The following NT5C3A variants were observed in gnomAD, a reference collection of about 807,000 sequenced individuals.
The protein encoded by NT5C3A is cytosolic 5'-nucleotidase 3A.
In NT5C3A, 23 loss-of-function variants were observed where a neutral mutation model predicts 40.0. That is an observed-to-expected ratio of 0.58 (90% CI 0.41 to 0.81). The LOEUF (loss-of-function observed/expected upper bound fraction) is 0.81. Ranked by LOEUF, NT5C3A falls within the 40% of genes least tolerant of loss-of-function variation. NT5C3A has a pLI of 0.00. For missense variants in NT5C3A, 328 were observed against 403.0 expected (o/e 0.81, Z 1.59); for synonymous variants, 130 against 141.4 (o/e 0.92, Z 0.57).
In NT5C3A at chr7:33,029,713, C is replaced by T. The variant is rs975945900; in HGVS notation, c.139-2798G>A. The T allele has an allele frequency of 3.9e-6, 5 of 1,285,210 alleles. No homozygotes were observed. In the African/African-American group the frequency reaches 4.6e-5, roughly 12 times the overall value. The allele number at this position is 1,285,210 out of a possible 1,614,324, so 79.6% of individuals were successfully genotyped here. On this transcript the variant is annotated intron_variant, in intron 1 of 8. Transcript: ENST00000610140. ...CTTCGAAGAAGGCTGGTTTCTGCTACACTAACAAATGTAAGATTGGTTTAT... is the reference window on the plus strand; with the variant it reads ...CTTCGAAGAAGGCTGGTTTCTGCTATACTAACAAATGTAAGATTGGTTTAT...
chr7:33,022,105 G>A lies in NT5C3A; in HGVS notation c.308-6C>T. 6.9e-7 allele frequency: 1 copy of A among 1,443,850 alleles called. No individual in the cohort carries two copies. Among genetic ancestry groups the A allele is most frequent in the Non-Finnish European group, 9.7e-7 (1 of 1,027,120 alleles). 89.4% of individuals were successfully genotyped at this position (1,443,850 alleles called of 1,614,324 possible). The stretch of plus-strand genomic sequence containing the variant: ...CTTACAGTTGTCAATGATATCTAAA[G>A]ATAGAAAGCAAAATAAGCATTAAAA... On this transcript the variant is annotated splice_region_variant and splice_polypyrimidine_tract_variant and intron_variant, in intron 3 of 8. Coordinates refer to ENST00000610140, the MANE Select transcript of NT5C3A (RefSeq NM_001002010.5).
At chr7:33,062,524 C>G in intron 1 of NT5C3A, 44 bp downstream of exon 1, 1 of 1,564,604 alleles carries the variant, frequency 6.4e-7, no homozygotes, top group Non-Finnish European at 8.8e-7. Flanking sequence ...GACGGCCCAG[C>G]CGGCCCCTCG....
intron 1 of NT5C3A, among the ~76,000 whole-genome samples, chr7:33,033,819 T>C (rs1786420678): frequency 6.6e-6 from 1 of 151,362 alleles, no homozygotes; most frequent in Non-Finnish European, 1.5e-5. Context: ...CAGAGAGATC[T>C]GAATCCTGTT....
chr7:33,021,776 C>T lies in NT5C3A; in HGVS notation c.354+277G>A, dbSNP rs1785641434. ...ACTGAAGTACTTTTGTTTTAAATCT[C>T]CAGTTAACGTTACAACACCAGAATA... On this transcript the variant is annotated intron_variant, in intron 4 of 8. Coordinates refer to ENST00000610140, the MANE Select transcript of NT5C3A (RefSeq NM_001002010.5). 1.5e-5 allele frequency: 7 copies of T among 455,966 alleles called. No homozygotes were observed. The South Asian group carries it at 1.8e-4, about 12-fold the overall frequency. 28.2% of individuals were successfully genotyped at this position (455,966 alleles called of 1,614,324 possible).
intron 1 of NT5C3A, among the ~76,000 whole-genome samples, chr7:33,050,921 C>G (rs192293073): frequency 5.1e-4 from 77 of 152,202 alleles, no homozygotes; most frequent in African/African-American, 1.8e-3. Flanking sequence ...AGTCTGCCAC[C>G]TGCTGATGGA....
At chr7:33,017,182 C>CAA (rs11286607) in intron 7 of NT5C3A, 265 of 317,910 alleles carry the variant, frequency 8.3e-4, no homozygotes, top group Middle Eastern at 1.8e-3. Context: ...GACTCCATCT[C>CAA]AAAAAAAAAA....
intron 5 of NT5C3A, among the ~76,000 whole-genome samples, chr7:33,020,605 C>T (rs373265028): frequency 5.3e-5 from 8 of 152,158 alleles, no homozygotes; most frequent in East Asian, 3.9e-4. Flanking sequence ...TGTTACGTAA[C>T]GGGACAATAA....
Position 33,014,791 on chromosome 7 carries a change from A to G in NT5C3A, c.935T>C (p.Ile312Thr). The change falls in exon 9 of 9, where the codon ATT (isoleucine) becomes ACT (threonine). Residue 312 changes from isoleucine to threonine, a missense_variant. By Grantham distance (89) the Ile-to-Thr change is moderately conservative (BLOSUM62 -1). This residue lies in a region of NT5C3A where 36 missense variants were observed against 51.1 expected (regional missense o/e 0.70). Transcript: ENST00000610140. ...LLEKYMDSYD[I>T]VLVQDESLEV... ...TAATGATTCATCTTGTACTAAAACA[A>G]TATCATAAGAGTCCATGTACTTTTC... is the stretch of plus-strand genomic sequence containing the variant. The G allele has an allele frequency of 1.2e-6, 2 of 1,613,180 alleles. No homozygotes were observed. The highest frequency in any genetic ancestry group is 1.7e-6 in the Non-Finnish European group (2 of 1,179,724).
At chr7:33,030,957 G>A (rs1331082764) in intron 1 of NT5C3A, among the ~76,000 whole-genome samples, 3 of 152,044 alleles carry the variant, frequency 2.0e-5, no homozygotes, top group African/African-American at 4.8e-5. Context: ...AAATTAGCCA[G>A]GCGAGGTGGC....
intron 1 of NT5C3A, among the ~76,000 whole-genome samples, chr7:33,039,702 G>T (rs10085768): frequency 6.6e-6 from 1 of 151,424 alleles, no homozygotes; most frequent in African/African-American, 2.4e-5. Context: ...TCAACTCAGC[G>T]GTGGGGAAAA....
chr7:33,035,489 T>A (rs1174647675), intron 1 of NT5C3A, among the ~76,000 whole-genome samples: 1 of 151,966 alleles, frequency 6.6e-6, no homozygotes, highest in Non-Finnish European at 1.5e-5. Flanking sequence ...CCGGAATGAG[T>A]TAAGATACGA....
Position 33,014,639 on chromosome 7 carries a change from G to C in NT5C3A, c.*91C>G, listed in dbSNP as rs1349686906. On this transcript the variant is annotated 3_prime_UTR_variant, in exon 9 of 9. Coordinates refer to ENST00000610140, the MANE Select transcript of NT5C3A (RefSeq NM_001002010.5). Reference sequence around the variant, plus strand: ...TACAAAGGGAACACTTCGAGAGTAAGGATATATTATAAATAAGTCTCTCAG... The same window carrying C: ...TACAAAGGGAACACTTCGAGAGTAACGATATATTATAAATAAGTCTCTCAG... 6.4e-7 allele frequency: 1 copy of C among 1,553,036 alleles called. No individual in the cohort carries two copies. Among genetic ancestry groups the C allele is most frequent in the Non-Finnish European group, 8.8e-7 (1 of 1,141,616 alleles).
At chr7:33,033,894 A>AT (rs11437974) in intron 1 of NT5C3A, among the ~76,000 whole-genome samples, 74,580 of 121,934 alleles carry the variant, frequency 0.61, 22,788 homozygotes, top group Non-Finnish European at 0.65. Flanking sequence ...ATATATATAT[A>AT]ATTTTTTTTT....
chr7:33,040,216 C>A (rs1562598849), intron 1 of NT5C3A, among the ~76,000 whole-genome samples: 1 of 151,886 alleles, frequency 6.6e-6, no homozygotes, highest in Non-Finnish European at 1.5e-5. Flanking sequence ...TCTAACTTCT[C>A]TGATTTAAAG....
chr7:33,045,472 T>C lies in NT5C3A; in HGVS notation c.138+17096A>G, dbSNP rs931348373. 4.1e-4 allele frequency among the ~76,000 whole-genome samples: 63 copies of C among 152,156 alleles called. 4 individuals are homozygous for C. The highest frequency in any genetic ancestry group is 1.5e-5 in the Non-Finnish European group (1 of 68,016). On this transcript the variant is annotated intron_variant, in intron 1 of 8. Coordinates refer to ENST00000610140, the MANE Select transcript of NT5C3A (RefSeq NM_001002010.5). ...AATGGCAAATGAAAAATTTTTTTTT[T>C]TTTTTGAGACGGAGTCTCACTCTGT...
chr7:33,053,669 A>C (rs1247985898), intron 1 of NT5C3A, among the ~76,000 whole-genome samples: 1 of 151,834 alleles, frequency 6.6e-6, no homozygotes, highest in Non-Finnish European at 1.5e-5. Context: ...TCTTAAAATA[A>C]ATAAATAAAT....
At chr7:33,031,221 G>C (rs1786238098) in intron 1 of NT5C3A, among the ~76,000 whole-genome samples, 1 of 152,020 alleles carries the variant, frequency 6.6e-6, no homozygotes, top group South Asian at 2.1e-4. Flanking sequence ...CTAATTTCCA[G>C]GATGAGATTA....
rs191750302 is a variant in NT5C3A, at chr7:33,031,327, C to T, written c.139-4412G>A. On this transcript the variant is annotated intron_variant, in intron 1 of 8. Transcript: ENST00000610140. ...ACACGGCCGGGCATGGTGGCTCATG[C>T]CTGTAATCCCAGCACTTTAGGAGGC... is the stretch of plus-strand genomic sequence containing the variant. 8.6e-4 allele frequency among the ~76,000 whole-genome samples: 131 copies of T among 151,684 alleles called. 1 individual carries two copies. The highest frequency in any genetic ancestry group is 1.4e-3 in the Non-Finnish European group (94 of 67,892).
Position 33,014,705 on chromosome 7 carries a change from A to T in NT5C3A, c.*25T>A. 2 of 1,609,930 alleles carry T rather than the reference A, an allele frequency of 1.2e-6. No individual in the cohort carries two copies. Among genetic ancestry groups the T allele is most frequent in the Non-Finnish European group, 1.7e-6 (2 of 1,178,516 alleles). On this transcript the variant is annotated 3_prime_UTR_variant, in exon 9 of 9. Transcript: ENST00000610140. ...AACAGTTCAATTGCACCCACAGGAG[A>T]GAGGTCTTCTTGGAGAATGCTTGTT...
Sources: allele counts gnomAD v4.1 joint callset (sites outside exome capture counted in the v4.1 genomes callset), GRCh38; gene constraint gnomAD v4.1.1; regional missense constraint gnomAD v4.1.1; transcripts MANE v1.5; gene names NCBI Gene and HGNC (gene_info 2026-07-23, HGNC 2026-07-21).